Variants in LARGE1 observed in about 807,000 individuals in gnomAD.
The protein encoded by LARGE1 is LARGE xylosyl- and glucuronyltransferase 1, also known as xylosyl- and glucuronyltransferase LARGE1.
In LARGE1, 43 loss-of-function variants were observed where a neutral mutation model predicts 87.6. The observed-to-expected ratio is 0.49, with a 90% CI of 0.38 to 0.63. The LOEUF (loss-of-function observed/expected upper bound fraction) is 0.63. Ranked by LOEUF, LARGE1 falls within the 30% of genes least tolerant of loss-of-function variation. LARGE1 has a pLI of 0.00. For missense variants in LARGE1, 802 were observed against 1,000.2 expected (o/e 0.80, Z 2.67); for synonymous variants, 434 against 394.6 (o/e 1.10, Z -1.18).
At chr22:33,305,844 CTTTTTTT>C in intron 11 of LARGE1, among the ~76,000 whole-genome samples, 1 of 136,910 alleles carries the variant, frequency 7.3e-6, no homozygotes, top group African/African-American at 2.9e-5. Flanking sequence ...TTTTCTTTTT[CTTTTTTT>C]TTTTTTTGAG....
chr22:33,783,393 C>T lies in LARGE1; in HGVS notation c.-82-21835G>A, dbSNP rs2085491571. On this transcript the variant is annotated intron_variant, in intron 1 of 14. Transcript: ENST00000397394. Reference sequence around the variant, plus strand: ...CAGCCTGGCCAACATGGCAAAACCCCATCTCTACTAAAAATGCAAAAATTA... The same window carrying T: ...CAGCCTGGCCAACATGGCAAAACCCTATCTCTACTAAAAATGCAAAAATTA... Among the ~76,000 whole-genome samples the T allele has an allele frequency of 3.3e-5, 5 of 152,082 alleles. No homozygotes were observed. The South Asian group carries it at 1.0e-3, about 32-fold the overall frequency.
At chr22:33,683,678 G>A (rs2081852281) in intron 2 of LARGE1, among the ~76,000 whole-genome samples, 1 of 151,784 alleles carries the variant, frequency 6.6e-6, no homozygotes. Flanking sequence ...AAGATAGATG[G>A]AGATAGAGGA....
At chr22:33,316,956 G>A (rs1452086479) in intron 10 of LARGE1, among the ~76,000 whole-genome samples, 2 of 152,178 alleles carry the variant, frequency 1.3e-5, no homozygotes, top group Non-Finnish European at 2.9e-5. Flanking sequence ...GCTCATGCCT[G>A]TAATCCCGGC....
chr22:33,700,829 T>G (rs906682388), intron 2 of LARGE1, among the ~76,000 whole-genome samples: 7 of 152,168 alleles, frequency 4.6e-5, no homozygotes, highest in African/African-American at 1.2e-4. Flanking sequence ...GGTAGCAATC[T>G]GCAGTAGTTT....
chr22:33,850,648 C>T (rs1411925911), intron 1 of LARGE1, among the ~76,000 whole-genome samples: 4 of 152,286 alleles, frequency 2.6e-5, no homozygotes, highest in East Asian at 3.9e-4. Flanking sequence ...CTCTTTAATA[C>T]GGTAGACTTT....
At chr22:33,075,260 T>C in the LARGE1 span, among the ~76,000 whole-genome samples, 6 of 152,218 alleles carry the variant, frequency 3.9e-5, no homozygotes, top group Admixed American at 2.6e-4. Flanking sequence ...TGGAATCAAG[T>C]CCAGATCTTC....
chr22:33,816,665 C>CTGAT (rs57520379), intron 1 of LARGE1, among the ~76,000 whole-genome samples: 1 of 125,822 alleles, frequency 7.9e-6, no homozygotes, highest in East Asian at 2.5e-4. Context: ...GACGGATGCA[C>CTGAT]GGATGGATGG....
intron 11 of LARGE1, 49 bp downstream of exon 11, chr22:33,316,036 G>T: frequency 6.3e-7 from 1 of 1,597,926 alleles, no homozygotes; most frequent in Non-Finnish European, 8.5e-7. Context: ...TATCCTCCAT[G>T]TAACAGCCGC....
chr22:33,112,131 G>T, the LARGE1 span, among the ~76,000 whole-genome samples: 5 of 152,124 alleles, frequency 3.3e-5, no homozygotes, highest in African/African-American at 1.2e-4. Context: ...CCTGTGTAGA[G>T]AATAGTTTGC....
intron 5 of LARGE1, among the ~76,000 whole-genome samples, chr22:33,570,143 T>C (rs1007411087): frequency 6.6e-6 from 1 of 152,162 alleles, no homozygotes; most frequent in African/African-American, 2.4e-5. Flanking sequence ...TTTTCTCATC[T>C]GGAAAATGGG....
chr22:33,519,996 C>A (rs1440266788), intron 6 of LARGE1, among the ~76,000 whole-genome samples: 3 of 138,856 alleles, frequency 2.2e-5, no homozygotes, highest in Non-Finnish European at 4.7e-5. Context: ...AGTGGTTTTT[C>A]TCTTTTTTTT....
At chr22:33,749,548 C>A (rs1485310352) in intron 2 of LARGE1, among the ~76,000 whole-genome samples, 1 of 152,214 alleles carries the variant, frequency 6.6e-6, no homozygotes, top group Non-Finnish European at 1.5e-5. Flanking sequence ...TATGTTCCCC[C>A]AACCATCAAC....
At chr22:33,378,941 T>C (rs757623329) in intron 9 of LARGE1, among the ~76,000 whole-genome samples, 11 of 152,128 alleles carry the variant, frequency 7.2e-5, no homozygotes, top group Non-Finnish European at 1.3e-4. Flanking sequence ...TTATCAAGGA[T>C]GCAACTTGGG....
chr22:33,266,371 G>A (rs1268501144), intron 11 of LARGE1, among the ~76,000 whole-genome samples: 1 of 151,122 alleles, frequency 6.6e-6, no homozygotes, highest in Non-Finnish European at 1.5e-5. Flanking sequence ...ACAGGCACTC[G>A]CCACCATGCC....
intron 1 of LARGE1, among the ~76,000 whole-genome samples, 169 bp from the exon 2 acceptor site, chr22:33,761,727 AG>A (rs2084738261): frequency 6.6e-6 from 1 of 151,530 alleles, no homozygotes; most frequent in Non-Finnish European, 1.5e-5. Flanking sequence ...TTCAAAACTG[AG>A]ACAATAAATA....
intron 1 of LARGE1, among the ~76,000 whole-genome samples, chr22:33,896,926 T>C (rs2065160913): frequency 6.6e-6 from 1 of 152,126 alleles, no homozygotes; most frequent in African/African-American, 2.4e-5. Context: ...CCAGACCTGA[T>C]GGTGGGGTAT....
intron 1 of LARGE1, among the ~76,000 whole-genome samples, chr22:33,806,961 GA>G (rs2086330893): frequency 6.6e-6 from 1 of 151,938 alleles, no homozygotes; most frequent in African/African-American, 2.4e-5. Flanking sequence ...AGCGAGCTGA[GA>G]TCTCACCATT....
At chr22:33,766,922 A>G (rs1412338578) in intron 1 of LARGE1, among the ~76,000 whole-genome samples, 1 of 5,834 alleles carries the variant, frequency 1.7e-4, no homozygotes, top group Non-Finnish European at 2.8e-4. Context: ...ACATATATAT[A>G]TATATATATA....
chr22:33,102,234 T>C, the LARGE1 span, among the ~76,000 whole-genome samples: 3 of 151,102 alleles, frequency 2.0e-5, no homozygotes, highest in Admixed American at 6.6e-5. Context: ...AGTGATGCAA[T>C]CTTGACTCAC....
Sources: allele counts gnomAD v4.1 joint callset (sites outside exome capture counted in the v4.1 genomes callset), GRCh38; gene constraint gnomAD v4.1.1; transcripts MANE v1.5; gene names NCBI Gene and HGNC (gene_info 2026-07-23, HGNC 2026-07-21).